CRMP1: variants seen among roughly 807,000 people sequenced by gnomAD.
CRMP1 encodes the protein dihydropyrimidinase-related protein 1.
A neutral mutation model predicts 68.3 loss-of-function variants in CRMP1; 19 were observed. The observed-to-expected ratio is 0.28, with a 90% CI of 0.19 to 0.41. CRMP1 has a LOEUF of 0.41. Ranked by LOEUF, CRMP1 falls within the 10% of genes least tolerant of loss-of-function variation. CRMP1 has a pLI of 1.00. For synonymous variants in CRMP1, 439 were observed against 399.6 expected (o/e 1.10, Z -1.18); for missense variants, 791 against 967.4 (o/e 0.82, Z 2.42).
chr4:5,828,294 T>A, intron 12 of CRMP1, 195 bp downstream of exon 12: 1 of 985,048 alleles, frequency 1.0e-6, no homozygotes, highest in Non-Finnish European at 1.2e-6. Flanking sequence ...GGAACTTGCA[T>A]GTCCTCATTT....
chr4:5,843,244 G>A lies in CRMP1; in HGVS notation c.964-83C>T. 1.4e-6 allele frequency: 2 copies of A among 1,433,516 alleles called. No homozygotes were observed. Among genetic ancestry groups the A allele is most frequent in the Non-Finnish European group, 2.0e-6 (2 of 1,018,234 alleles). 88.8% of individuals were successfully genotyped at this position (1,433,516 alleles called of 1,614,324 possible). ...ACTCCTCCAACCCCCTGGTTAGACAGAGGGGGCAGCTGGGTCCCAAAGAGG... is the reference window on the plus strand; with the variant it reads ...ACTCCTCCAACCCCCTGGTTAGACAAAGGGGGCAGCTGGGTCCCAAAGAGG... On this transcript the variant is annotated intron_variant, in intron 6 of 13. Coordinates refer to ENST00000324989, the MANE Select transcript of CRMP1 (RefSeq NM_001014809.3). The surrounding 1 kb of genome is among the most constrained non-coding windows in gnomAD (Gnocchi z 4.1).
chr4:5,886,888 G>A (rs1355134138), intron 1 of CRMP1, among the ~76,000 whole-genome samples: 2 of 152,240 alleles, frequency 1.3e-5, no homozygotes, highest in African/African-American at 4.8e-5. Flanking sequence ...CGTCTCAGAG[G>A]GCAGAGCTGA....
At chr4:5,862,705 G>T (rs17444546) in intron 2 of CRMP1, among the ~76,000 whole-genome samples, 1 of 151,940 alleles carries the variant, frequency 6.6e-6, no homozygotes, top group Admixed American at 6.5e-5. Context: ...TCTACACATG[G>T]GCACGGACCT....
chr4:5,833,683 G>A (rs1720533226), intron 11 of CRMP1, among the ~76,000 whole-genome samples: 1 of 152,158 alleles, frequency 6.6e-6, no homozygotes, highest in Admixed American at 6.5e-5. Context: ...GTATTTGGCT[G>A]GATTGTGATG....
At position 5,842,223 on chromosome 4, in the gene CRMP1, G is replaced by A. The variant is rs968844846; in HGVS notation, c.1033-795C>T. On this transcript the variant is annotated intron_variant, in intron 7 of 13. Coordinates refer to ENST00000324989, the MANE Select transcript of CRMP1 (RefSeq NM_001014809.3). The surrounding 1 kb of genome is among the most constrained non-coding windows in gnomAD (Gnocchi z 4.5). The stretch of plus-strand genomic sequence containing the variant: ...ACTTCACTCCAGCCTGGGCGACAGA[G>A]CGAGACTCTGTCTCAAAAACAAACA... Among the ~76,000 whole-genome samples the A allele has an allele frequency of 6.6e-6, 1 of 152,008 alleles. No individual in the cohort carries two copies. Among genetic ancestry groups the A allele is most frequent in the African/African-American group, 2.4e-5 (1 of 41,414 alleles).
chr4:5,861,759 G>T lies in CRMP1; in HGVS notation c.471-549C>A, dbSNP rs1207532844. Among the ~76,000 whole-genome samples the T allele has an allele frequency of 6.6e-6, 1 of 152,128 alleles. No individual in the cohort carries two copies. The highest frequency in any genetic ancestry group is 1.5e-5 in the Non-Finnish European group (1 of 68,022). Reference sequence around the variant, plus strand: ...GTCCCTCAAGGCGCTGGGGGAAGAGGCTCAGCCAGAACCAGGAAAGGAACC... The same window carrying T: ...GTCCCTCAAGGCGCTGGGGGAAGAGTCTCAGCCAGAACCAGGAAAGGAACC... On this transcript the variant is annotated intron_variant, in intron 2 of 13. Coordinates refer to ENST00000324989, the MANE Select transcript of CRMP1 (RefSeq NM_001014809.3). The surrounding 1 kb of genome is among the most constrained non-coding windows in gnomAD (Gnocchi z 6.0).
At chr4:5,851,309 G>C in intron 5 of CRMP1, 99 bp downstream of exon 5, 1 of 1,066,270 alleles carries the variant, frequency 9.4e-7, no homozygotes, top group Non-Finnish European at 1.5e-6. Flanking sequence ...CGAATCCCAC[G>C]GCTTCTCACA....
intron 13 of CRMP1, chr4:5,824,480 C>T: frequency 7.1e-6 from 7 of 985,136 alleles, no homozygotes; most frequent in Non-Finnish European, 8.4e-6. Flanking sequence ...ATTCACACGT[C>T]ATCCTCTCTC....
At position 5,842,638 on chromosome 4, in the gene CRMP1, G is replaced by A. The variant is rs1218546250; in HGVS notation, c.1032+455C>T. Among the ~76,000 whole-genome samples, 9 of 147,804 alleles carry A rather than the reference G, an allele frequency of 6.1e-5. No homozygotes were observed. The highest frequency in any genetic ancestry group is 6.0e-4 in the East Asian group (3 of 5,022). ...CACACTCACTCACACACACACACACGCACTGTCTCTCTCACACACACACAC... is the reference window on the plus strand; with the variant it reads ...CACACTCACTCACACACACACACACACACTGTCTCTCTCACACACACACAC... On this transcript the variant is annotated intron_variant, in intron 7 of 13. Transcript: ENST00000324989. This position sits in a 1 kb window ranked among gnomAD's most constrained non-coding sequence, Gnocchi z 4.5.
At chr4:5,887,636 G>A in intron 1 of CRMP1, 1 of 985,550 alleles carries the variant, frequency 1.0e-6, no homozygotes, top group Middle Eastern at 5.2e-4. Flanking sequence ...CCGGGCCGCA[G>A]CCGCCAGCGT....
At position 5,835,018 on chromosome 4, in the gene CRMP1, C is replaced by T. The variant is rs35159329; in HGVS notation, c.1623+897G>A. Among the ~76,000 whole-genome samples the T allele has an allele frequency of 7.8e-3, 1,195 of 152,280 alleles. 14 individuals are homozygous for T. The highest frequency in any genetic ancestry group is 0.027 in the African/African-American group (1,137 of 41,542). ...GCTTTCTTATGAAACTTCCTTGTGCCTCATGTCCTGTCCCCACACCTGTGG... is the reference window on the plus strand; with the variant it reads ...GCTTTCTTATGAAACTTCCTTGTGCTTCATGTCCTGTCCCCACACCTGTGG... On this transcript the variant is annotated intron_variant, in intron 11 of 13. Transcript: ENST00000324989.
At chr4:5,851,623 G>A (rs954336412) in intron 4 of CRMP1, among the ~76,000 whole-genome samples, 154 bp from the exon 5 acceptor site, 1 of 152,166 alleles carries the variant, frequency 6.6e-6, no homozygotes. Context: ...GCCTGAGGAT[G>A]TGGGCGAAGG....
At position 5,893,073 on chromosome 4, in the gene CRMP1, C is replaced by T. The variant is rs1263897388; in HGVS notation, c.-104G>A. 8 of 796,306 alleles carry T rather than the reference C, an allele frequency of 1.0e-5. No individual in the cohort carries two copies. In the Admixed American group the frequency reaches 5.1e-4, roughly 51 times the overall value. The allele number at this position is 796,306 out of a possible 1,614,324, so 49.3% of individuals were successfully genotyped here. ...CGCCTCGGTGCGGGCCTGCGGCGGC[C>T]CGGGCGCGACTGCGGCCCAGGGAGG... On this transcript the variant is annotated 5_prime_UTR_variant, in exon 1 of 14. Transcript: ENST00000324989.
chr4:5,892,552 G>A lies in CRMP1; in HGVS notation c.381+37C>T. 1 of 1,168,420 alleles carries A rather than the reference G, an allele frequency of 8.6e-7. No homozygotes were observed. Among genetic ancestry groups the A allele is most frequent in the Non-Finnish European group, 1.1e-6 (1 of 946,962 alleles). The allele number at this position is 1,168,420 out of a possible 1,614,324, so 72.4% of individuals were successfully genotyped here. On this transcript the variant is annotated intron_variant, in intron 1 of 13. Transcript: ENST00000324989. This position sits in a 1 kb window ranked among gnomAD's most constrained non-coding sequence, Gnocchi z 8.6. ...CATGCCCTGGGTCCTCCCGGGGCCC[G>A]CCCCCCTCGTCTGGCCCGCGCGCGC...
intron 8 of CRMP1, among the ~76,000 whole-genome samples, chr4:5,840,071 T>G (rs1577767027): frequency 6.6e-6 from 1 of 152,306 alleles, no homozygotes; most frequent in South Asian, 2.1e-4. Flanking sequence ...AGAGTCTTAT[T>G]TGGGAGGTGA....
At position 5,892,444 on chromosome 4, in the gene CRMP1, G is replaced by T. The variant is rs992671216; in HGVS notation, c.381+145C>A. 1.2e-6 allele frequency: 1 copy of T among 817,532 alleles called. No individual in the cohort carries two copies. The highest frequency in any genetic ancestry group is 1.6e-6 in the Non-Finnish European group (1 of 638,198). 50.6% of individuals were successfully genotyped at this position (817,532 alleles called of 1,614,324 possible). A position where few individuals can be genotyped will look rare whatever the true frequency, so the allele number is the denominator to read the frequency against. On this transcript the variant is annotated intron_variant, in intron 1 of 13. Transcript: ENST00000324989. The surrounding 1 kb of genome is among the most constrained non-coding windows in gnomAD (Gnocchi z 8.6). ...CTGGGAACCTCTTGCATGATGAGGT[G>T]GGGGAGGGGCCGCGCCGTGGCTCTC...
chr4:5,869,289 A>G (rs1261207792), intron 1 of CRMP1, among the ~76,000 whole-genome samples: 1 of 151,754 alleles, frequency 6.6e-6, no homozygotes, highest in African/African-American at 2.4e-5. Flanking sequence ...ATTTTTTTCC[A>G]TGTGCTTATT....
chr4:5,864,344 G>A (rs1485790287), intron 2 of CRMP1, among the ~76,000 whole-genome samples: 1 of 152,158 alleles, frequency 6.6e-6, no homozygotes, highest in Non-Finnish European at 1.5e-5. Flanking sequence ...ACAAAGGGGT[G>A]TTCCCTCAGA....
rs1037017426 is a variant in CRMP1, at chr4:5,872,138, C to A, written c.382-5382G>T. Among the ~76,000 whole-genome samples, 46 of 152,110 alleles carry A rather than the reference C, an allele frequency of 3.0e-4. No individual in the cohort carries two copies. The highest frequency in any genetic ancestry group is 1.1e-3 in the African/African-American group (46 of 41,422). On this transcript the variant is annotated intron_variant, in intron 1 of 13. Coordinates refer to ENST00000324989, the MANE Select transcript of CRMP1 (RefSeq NM_001014809.3). The surrounding 1 kb of genome is among the most constrained non-coding windows in gnomAD (Gnocchi z 4.6). ...CCTCATAAGAAGATAGAACTTAGAA[C>A]CCTCCCCCACCCAAGTAATAAGATC...
Sources: gnomAD v4.1 joint callset for allele counts (sites outside exome capture counted in the v4.1 genomes callset) on GRCh38, gnomAD v4.1.1 for gene constraint, Gnocchi (gnomAD v3.1) non-coding constraint, MANE v1.5 for transcripts, NCBI Gene and HGNC (gene_info 2026-07-23, HGNC 2026-07-21) for gene names.